The following CEACAM18 variants were observed in gnomAD, a reference collection of about 807,000 sequenced individuals.
The protein encoded by CEACAM18 is CEA cell adhesion molecule 18.
In CEACAM18, 33 loss-of-function variants were observed where a neutral mutation model predicts 34.3. That is an observed-to-expected ratio of 0.96 (90% CI 0.73 to 1.29). The LOEUF is 1.29. CEACAM18 is among the 50% of genes most tolerant of loss of function. The pLI, the probability that CEACAM18 is intolerant of heterozygous loss-of-function variation, is 0.00. For synonymous variants in CEACAM18, 169 were observed against 180.9 expected (o/e 0.93, Z 0.53); for missense variants, 474 against 485.0 (o/e 0.98, Z 0.21).
intron 5 of CEACAM18, among the ~76,000 whole-genome samples, chr19:51,487,365 C>T (rs1990021992): frequency 6.6e-6 from 1 of 152,048 alleles, no homozygotes; most frequent in South Asian, 2.1e-4. Flanking sequence ...GTTCCAGCTA[C>T]TCAGGAGGCT....
At chr19:51,483,368 C>A (rs1265802360) in intron 4 of CEACAM18, 72 bp downstream of exon 4, 8 of 1,557,306 alleles carry the variant, frequency 5.1e-6, no homozygotes, top group Middle Eastern at 2.2e-4. Flanking sequence ...GCAGTGCCCA[C>A]CCTCAGGAGT....
chr19:51,478,848 C>G (rs1280342711), intron 1 of CEACAM18, among the ~76,000 whole-genome samples, 154 bp downstream of exon 1: 1 of 151,966 alleles, frequency 6.6e-6, no homozygotes, highest in Non-Finnish European at 1.5e-5. Flanking sequence ...GGGGAGGACC[C>G]TCAGCACAAC....
exon 6 of CEACAM18, chr19:51,490,811 C>A (rs1410553382): frequency 2.5e-6 from 1 of 402,134 alleles, no homozygotes. Context: ...AGACCCCACC[C>A]GGGACCTGAA....
At chr19:51,483,221 G>A (rs371651405) in exon 4 of CEACAM18, 34 of 1,613,870 alleles carry the variant, frequency 2.1e-5, no homozygotes, top group African/African-American at 9.3e-5. Flanking sequence ...CAGATGGGCC[G>A]TTACCGATGC....
chr19:51,484,059 C>A (rs779700325), intron 4 of CEACAM18, among the ~76,000 whole-genome samples: 2 of 152,112 alleles, frequency 1.3e-5, no homozygotes, highest in African/African-American at 4.8e-5. Context: ...TCCATCGTTC[C>A]GAGACTCAGT....
At chr19:51,483,048 T>G in exon 4 of CEACAM18, 1 of 1,613,926 alleles carries the variant, frequency 6.2e-7, no homozygotes, top group Non-Finnish European at 8.5e-7. Context: ...TGAGGAGCAA[T>G]CCTGATGATT....
chr19:51,481,395 T>C (rs1989912261), exon 3 of CEACAM18: 2 of 1,613,306 alleles, frequency 1.2e-6, no homozygotes, highest in African/African-American at 1.3e-5. Context: ...TCACCCAGAG[T>C]TGGGAAGCAA....
intron 5 of CEACAM18, among the ~76,000 whole-genome samples, chr19:51,489,415 T>C (rs1047452891): frequency 1.3e-5 from 2 of 151,898 alleles, no homozygotes; most frequent in African/African-American, 4.8e-5. Flanking sequence ...GAGTTACTCA[T>C]ATTTTAATCA....
chr19:51,490,684 C>G (rs1990075413), exon 6 of CEACAM18: 2 of 1,171,188 alleles, frequency 1.7e-6, no homozygotes, highest in Admixed American at 8.5e-5. Flanking sequence ...CTGGGGGTCC[C>G]CATAGGGCCA....
rs12610545 is a variant in CEACAM18, at chr19:51,481,473, A to G, written c.481A>G (p.Thr161Ala). ...GGATTCTGTGGCTGCTGACTGCCTC[A>G]CAAATGTCACCAACATCACGTGGTA... The change falls in exon 3 of 6, where the codon ACA (threonine) becomes GCA (alanine). Residue 161 changes from threonine (T) to alanine (A), a missense_variant. Thr to Ala is a moderately conservative substitution (Grantham distance 58). Transcript: ENST00000396477. 0.04 allele frequency: 65,196 copies of G among 1,613,996 alleles called. 5,008 individuals are homozygous for G. The East Asian group carries it at 0.42, about 10-fold the overall frequency.
At chr19:51,491,211 A>AT (rs55774114), downstream of CEACAM18, 40,013 of 149,034 alleles carry the variant, frequency 0.27, 6,169 homozygotes, top group South Asian at 0.41. Flanking sequence ...CAAATATTTA[A>AT]TTTTTTTTTT....
At chr19:51,488,059 A>G (rs1045224567) in intron 5 of CEACAM18, among the ~76,000 whole-genome samples, 1 of 152,164 alleles carries the variant, frequency 6.6e-6, no homozygotes, top group Non-Finnish European at 1.5e-5. Flanking sequence ...AAAACCAGAA[A>G]AAGTAGAAAG....
At chr19:51,483,138 C>T (rs1323226300) in exon 4 of CEACAM18, 3 of 1,614,014 alleles carry the variant, frequency 1.9e-6, no homozygotes, top group South Asian at 1.1e-5. Context: ...ATCTCAAGTA[C>T]CACTGGATCC....
chr19:51,487,693 G>C (rs1250214848), intron 5 of CEACAM18, among the ~76,000 whole-genome samples: 2 of 150,344 alleles, frequency 1.3e-5, no homozygotes, highest in African/African-American at 4.9e-5. Flanking sequence ...TTGAACCTGG[G>C]AGATTCAAGT....
exon 5 of CEACAM18, chr19:51,485,075 C>T (rs1989977601): frequency 2.0e-6 from 3 of 1,535,012 alleles, no homozygotes; most frequent in African/African-American, 1.4e-5. Flanking sequence ...GTGGCGTTTA[C>T]ATCTGTGGAG....
chr19:51,488,897 G>T (rs62116164), intron 5 of CEACAM18, among the ~76,000 whole-genome samples: 1 of 151,786 alleles, frequency 6.6e-6, no homozygotes, highest in African/African-American at 2.4e-5. Context: ...TATATTTTAC[G>T]ACTATCTTGA....
rs778649075 is a variant in CEACAM18, at chr19:51,480,579, T to C, written c.299T>C (p.Leu100Pro). 17 of 1,613,818 alleles carry C rather than the reference T, an allele frequency of 1.1e-5. No individual in the cohort carries two copies. The Admixed American group carries it at 2.8e-4, about 27-fold the overall frequency. Residue 100 changes from leucine (L) to proline (P), a missense_variant, in exon 2 of 6, where the codon CTG (leucine) becomes CCG (proline). By Grantham distance (98) the Leu-to-Pro change is moderately conservative (BLOSUM62 -3). Coordinates refer to ENST00000396477, the Ensembl canonical transcript of CEACAM18. Reference sequence around the variant, plus strand: ...GAGAGAGTGAACAGAGAAGGCAGCCTGTTGATCAGGCCGACTGCATTAAAT... The same window carrying C: ...GAGAGAGTGAACAGAGAAGGCAGCCCGTTGATCAGGCCGACTGCATTAAAT...
At chr19:51,479,635 G>C (rs538287991) in intron 1 of CEACAM18, among the ~76,000 whole-genome samples, 1 of 152,308 alleles carries the variant, frequency 6.6e-6, no homozygotes, top group East Asian at 1.9e-4. Flanking sequence ...ACCTGACCCA[G>C]GCTGGGGTGG....
At chr19:51,486,677 T>G (rs941151177) in intron 5 of CEACAM18, among the ~76,000 whole-genome samples, 1 of 151,988 alleles carries the variant, frequency 6.6e-6, no homozygotes, top group Non-Finnish European at 1.5e-5. Flanking sequence ...TTTTGTTTAT[T>G]GAGCTAATTT....
Sources: allele counts gnomAD v4.1 joint callset (sites outside exome capture counted in the v4.1 genomes callset), GRCh38; gene constraint gnomAD v4.1.1; transcripts MANE v1.5; gene names NCBI Gene and HGNC (gene_info 2026-07-23, HGNC 2026-07-21).